PRB2: variants seen among roughly 807,000 people sequenced by gnomAD.
The protein encoded by PRB2 is proline rich protein BstNI subfamily 2, also known as basic salivary proline-rich protein 2.
In PRB2, 12 loss-of-function variants were observed where a neutral mutation model predicts 8.3. The ratio of observed to expected loss-of-function variants is 1.45; its 90% CI spans 0.93 to 2.35. The LOEUF (loss-of-function observed/expected upper bound fraction) is 2.35, where lower values mean the gene tolerates loss of function less well. Among genes scored for constraint, PRB2 ranks in the 30% most tolerant of loss-of-function variants. PRB2 has a pLI of 0.00. For missense variants in PRB2, 470 were observed against 507.0 expected (o/e 0.93, Z 0.70); for synonymous variants, 146 against 180.0 (o/e 0.81, Z 1.51).
In PRB2 at chr12:11,393,185, C is replaced by A. The variant is rs772656544; in HGVS notation, c.893G>T (p.Arg298Leu). Residue 298 changes from arginine (R) to leucine (L), a missense_variant, in exon 3 of 4, where the codon CGA (arginine) becomes CTA (leucine). By Grantham distance (102) the Arg-to-Leu change is moderately radical. Transcript: ENST00000389362. ...TCCTTGTGGCTTTCCTGGAGGAGATCGAGAACTTCGGGACTTGCTGCCTCC... is the reference window on the plus strand; with the variant it reads ...TCCTTGTGGCTTTCCTGGAGGAGATAGAGAACTTCGGGACTTGCTGCCTCC... The part of the protein sequence containing the change: ...PQGGSKSRSS[R>L]SPPGKPQGPP... 6.3e-7 allele frequency: 1 copy of A among 1,585,658 alleles called. No homozygotes were observed. Among genetic ancestry groups the A allele is most frequent in the Non-Finnish European group, 8.5e-7 (1 of 1,171,996 alleles).
rs373816057 is a variant in PRB2 at position 11,393,215 on chromosome 12, G to T, written c.863C>A (p.Pro288Gln). The part of the protein sequence containing the change: ...PPPGKPQGPP[P>Q]QGGSKSRSSR... ...ACTTCGGGACTTGCTGCCTCCTTGT[G>T]GGGGTGGTCCTTGTGGCTTTCCTGG... Residue 288 changes from proline to glutamine, a missense_variant, in exon 3 of 4, where the codon CCA becomes CAA. Physicochemically the swap from Pro to Gln is moderately conservative, Grantham distance 76. Transcript: ENST00000389362. 7 of 1,568,190 alleles carry T rather than the reference G, an allele frequency of 4.5e-6. No individual in the cohort carries two copies. The Admixed American group carries it at 8.8e-5, about 20-fold the overall frequency.
At chr12:11,394,065 T>C in intron 2 of PRB2, 88 bp from the exon 3 acceptor site, 1 of 1,543,674 alleles carries the variant, frequency 6.5e-7, no homozygotes, top group Non-Finnish European at 8.9e-7. Flanking sequence ...TCAGTTTGGG[T>C]AACAAGCTGA....
intron 3 of PRB2, 37 bp downstream of exon 3, chr12:11,392,757 A>G (rs1864334204): frequency 1.7e-6 from 2 of 1,190,336 alleles, no homozygotes; most frequent in Non-Finnish European, 2.3e-6. Flanking sequence ...AGCTGTAGCA[A>G]TTAGAGCACT....
rs1477662042 is a variant in PRB2 at position 11,395,486 on chromosome 12, G to T, written c.44C>A (p.Ser15Ter). The T allele has an allele frequency of 6.2e-7, 1 of 1,613,680 alleles. No individual in the cohort carries two copies. Among genetic ancestry groups the T allele is most frequent in the Middle Eastern group, 1.6e-4 (1 of 6,062 alleles). The change falls in exon 1 of 4, where the codon TCA (serine) becomes TAA (stop). Residue 15 changes from serine to a stop codon, truncating the protein, a stop_gained. Transcript: ENST00000389362. LOFTEE classifies it high-confidence loss of function. ...TTTACCTTCATTTAAGTTCTGAGCTGAGCTCAGGGCCAGCAAGGCCACTGA... is the reference window on the plus strand; with the variant it reads ...TTTACCTTCATTTAAGTTCTGAGCTTAGCTCAGGGCCAGCAAGGCCACTGA... ...LLSVALLALS[S>*]AQNLNEDVSQ...
rs756389048 is a variant in PRB2 at position 11,393,266 on chromosome 12, C to T, written c.812G>A (p.Gly271Asp). 37 of 1,168,530 alleles carry T rather than the reference C, an allele frequency of 3.2e-5. No individual in the cohort carries two copies. The highest frequency in any genetic ancestry group is 1.2e-4 in the Admixed American group (4 of 32,846). 72.4% of individuals were successfully genotyped at this position (1,168,530 alleles called of 1,614,324 possible). The change falls in exon 3 of 4, where the codon GGC (glycine) becomes GAC (aspartate). Residue 271 changes from glycine to aspartate, a missense_variant. Gly to Asp is a moderately conservative substitution (Grantham distance 94, BLOSUM62 -1). Transcript: ENST00000389362. ...GKPQGPPPQG[G>D]NKPQGPPPPG... is the part of the protein sequence containing the mutation. ...AGGTGGGGGACCTTGAGGTTTGTTG[C>T]CTCCTTGTGGGGGTGGTCCTTGTGG...
chr12:11,394,309 G>A (rs201030795), intron 2 of PRB2, among the ~76,000 whole-genome samples, 186 bp downstream of exon 2: 13 of 152,170 alleles, frequency 8.5e-5, no homozygotes, highest in South Asian at 2.1e-4. Context: ...CATCTCTGCC[G>A]TTCAATTTGG....
Position 11,393,744 on chromosome 12 carries a change from G to T in PRB2, c.334C>A (p.Arg112=), listed in dbSNP as rs35270209. 1.9e-6 allele frequency: 3 copies of T among 1,598,526 alleles called. No homozygotes were observed. Among genetic ancestry groups the T allele is most frequent in the Non-Finnish European group, 2.6e-6 (3 of 1,172,240 alleles). ...PPQGDKSRSP[R]SPPGKPQGPP... Reference sequence around the variant, plus strand: ...CCTTGTGGCTTTCCTGGAGGAGATCGGGGACTTCGGGACTTGTCTCCTTGT... The same window carrying T: ...CCTTGTGGCTTTCCTGGAGGAGATCTGGGACTTCGGGACTTGTCTCCTTGT... Residue 112 remains arginine (R), a synonymous_variant, in exon 3 of 4, where the codon CGA becomes AGA. Coordinates refer to ENST00000389362, the MANE Select transcript of PRB2 (RefSeq NM_006248.4).
chr12:11,392,750 T>A, intron 3 of PRB2, 44 bp downstream of exon 3: 4 of 1,108,984 alleles, frequency 3.6e-6, no homozygotes, highest in Non-Finnish European at 4.9e-6. Context: ...GCTGGAGAGC[T>A]GTAGCAATTA....
At position 11,393,156 on chromosome 12, in the gene PRB2, G is replaced by T. The variant is rs746233001; in HGVS notation, c.922C>A (p.Pro308Thr). The change falls in exon 3 of 4, where the codon CCC becomes ACC. Residue 308 changes from proline (P) to threonine (T), a missense_variant. Coordinates refer to ENST00000389362, the MANE Select transcript of PRB2 (RefSeq NM_006248.4). Reference sequence around the variant, plus strand: ...TGAGGCTGGTTGCCTCCTTGTGGGGGTGGTCCTTGTGGCTTTCCTGGAGGA... The same window carrying T: ...TGAGGCTGGTTGCCTCCTTGTGGGGTTGGTCCTTGTGGCTTTCCTGGAGGA... The part of the protein sequence containing the change: ...RSPPGKPQGP[P>T]PQGGNQPQGP... 1 of 1,598,074 alleles carries T rather than the reference G, an allele frequency of 6.3e-7. No homozygotes were observed. Among genetic ancestry groups the T allele is most frequent in the Admixed American group, 1.7e-5 (1 of 58,660 alleles).
Position 11,393,302 on chromosome 12 carries a change from G to A in PRB2, c.776C>T (p.Pro259Leu), listed in dbSNP as rs762667324. 2 of 1,484,392 alleles carry A rather than the reference G, an allele frequency of 1.3e-6. No homozygotes were observed. Among genetic ancestry groups the A allele is most frequent in the Non-Finnish European group, 1.8e-6 (2 of 1,116,450 alleles). 92.0% of individuals were successfully genotyped at this position (1,484,392 alleles called of 1,614,324 possible). The change falls in exon 3 of 4, where the codon CCT (proline) becomes CTT (leucine). Residue 259 changes from proline (P) to leucine (L), a missense_variant. By Grantham distance (98) the Pro-to-Leu change is moderately conservative. This residue lies in a region of PRB2 where 205 missense variants were observed against 195.0 expected (regional missense o/e 1.05). Transcript: ENST00000389362. ...GGGTGGTCCTTGTGGCTTTCCTGGA[G>A]GAGGTGGGGGACCTTGGGGCTGGTT... ...GGNQPQGPPP[P>L]PGKPQGPPPQ...
intron 1 of PRB2, among the ~76,000 whole-genome samples, chr12:11,394,739 A>C (rs1386402669): frequency 6.6e-6 from 1 of 152,166 alleles, no homozygotes; most frequent in African/African-American, 2.4e-5. Context: ...TGAACTCAAC[A>C]TAGAAGAGCC....
At position 11,394,534 on chromosome 12, in the gene PRB2, G is replaced by C. The variant is rs1864379307; in HGVS notation, c.65-4C>G. Reference sequence around the variant, plus strand: ...GGAGATTCTTCCTGGCTGACATCTAGAAGAGAAGCACAGGATGATGGGAAC... The same window carrying C: ...GGAGATTCTTCCTGGCTGACATCTACAAGAGAAGCACAGGATGATGGGAAC... On this transcript the variant is annotated splice_polypyrimidine_tract_variant and splice_region_variant and intron_variant, in intron 1 of 3. Transcript: ENST00000389362. 2 of 1,613,182 alleles carry C rather than the reference G, an allele frequency of 1.2e-6. No individual in the cohort carries two copies. The highest frequency in any genetic ancestry group is 1.7e-6 in the Non-Finnish European group (2 of 1,179,158).
In PRB2 at chr12:11,395,493, G is replaced by A; in HGVS notation, c.37C>T (p.Leu13=). The change falls in exon 1 of 4, where the codon CTG becomes TTG. Residue 13 remains leucine (L), a synonymous_variant. Transcript: ENST00000389362. ...TCATTTAAGTTCTGAGCTGAGCTCA[G>A]GGCCAGCAAGGCCACTGACAGCAGA... ...LILLSVALLA[L]SSAQNLNEDV... The A allele has an allele frequency of 6.2e-7, 1 of 1,613,608 alleles. No homozygotes were observed.
intron 1 of PRB2, 51 bp downstream of exon 1, chr12:11,395,415 C>T: frequency 6.2e-7 from 1 of 1,609,032 alleles, no homozygotes; most frequent in Non-Finnish European, 8.5e-7. Context: ...ACCATTATCA[C>T]CTCCTAAGCC....
At position 11,393,155 on chromosome 12, in the gene PRB2, G is replaced by C. The variant is rs1304041404; in HGVS notation, c.923C>G (p.Pro308Arg). The C allele has an allele frequency of 3.1e-6, 5 of 1,598,258 alleles. No homozygotes were observed. In the South Asian group the frequency reaches 4.4e-5, roughly 14 times the overall value. Residue 308 changes from proline (P) to arginine (R), a missense_variant, in exon 3 of 4, where the codon CCC (proline) becomes CGC (arginine). By Grantham distance (103) the Pro-to-Arg change is moderately radical. Coordinates refer to ENST00000389362, the MANE Select transcript of PRB2 (RefSeq NM_006248.4). ...RSPPGKPQGPPPQGGNQPQGP... is the reference protein window; with the variant it reads ...RSPPGKPQGPRPQGGNQPQGP... ...TTGAGGCTGGTTGCCTCCTTGTGGG[G>C]GTGGTCCTTGTGGCTTTCCTGGAGG...
At chr12:11,395,307 T>G (rs2416787) in intron 1 of PRB2, among the ~76,000 whole-genome samples, 159 bp downstream of exon 1, 27 of 152,228 alleles carry the variant, frequency 1.8e-4, no homozygotes, top group African/African-American at 4.1e-4. Flanking sequence ...AATTAGAAAC[T>G]CTTATTGTGG....
Position 11,393,412 on chromosome 12 carries a change from T to G in PRB2, c.666A>C (p.Gln222His). The change falls in exon 3 of 4, where the codon CAA (glutamine) becomes CAC (histidine). Residue 222 changes from glutamine to histidine, a missense_variant. This residue lies in a region of PRB2 where 37 missense variants were observed against 66.0 expected (regional missense o/e 0.56). Transcript: ENST00000389362. Reference protein sequence around the residue: ...PQGPPPPGKPQGPPPQGDNKS... With the variant: ...PQGPPPPGKPHGPPPQGDNKS... Reference sequence around the variant, plus strand: ...TGTTGTCTCCTTGTGGGGGTGGTCCTTGTGGCTTTCCTGGAGGTGGGGGAC... The same window carrying G: ...TGTTGTCTCCTTGTGGGGGTGGTCCGTGTGGCTTTCCTGGAGGTGGGGGAC... 6.3e-7 allele frequency: 1 copy of G among 1,576,866 alleles called. No homozygotes were observed. Among genetic ancestry groups the G allele is most frequent in the Non-Finnish European group, 8.5e-7 (1 of 1,170,442 alleles).
Position 11,393,918 on chromosome 12 carries a change from G to T in PRB2, c.160C>A (p.Pro54Thr), listed in dbSNP as rs1864365537. The change falls in exon 3 of 4, where the codon CCA becomes ACA. Residue 54 changes from proline (P) to threonine (T), a missense_variant. Physicochemically the swap from Pro to Thr is conservative, Grantham distance 38. Transcript: ENST00000389362. ...GNKPQGPPSP[P>T]GKPQGPPPQG... ...GGGGGTGGTCCTTGTGGCTTTCCTG[G>T]AGGAGATGGGGGACCTTGAGGTTTG... 2 of 1,499,360 alleles carry T rather than the reference G, an allele frequency of 1.3e-6. No individual in the cohort carries two copies. The highest frequency in any genetic ancestry group is 1.8e-4 in the Middle Eastern group (1 of 5,570). 92.9% of individuals were successfully genotyped at this position (1,499,360 alleles called of 1,614,324 possible).
chr12:11,395,532 T>C lies in PRB2; in HGVS notation c.-3A>G, dbSNP rs1488244745. 5 of 1,612,520 alleles carry C rather than the reference T, an allele frequency of 3.1e-6. No homozygotes were observed. Among genetic ancestry groups the C allele is most frequent in the Non-Finnish European group, 4.2e-6 (5 of 1,179,262 alleles). The stretch of plus-strand genomic sequence containing the variant: ...ACTGACAGCAGAATCAACAGCATCT[T>C]GCAGGAGGCTCTGGAGTCACTCCCA... On this transcript the variant is annotated 5_prime_UTR_variant, in exon 1 of 4. Transcript: ENST00000389362.
Sources: gnomAD v4.1 joint callset for allele counts (sites outside exome capture counted in the v4.1 genomes callset) on GRCh38, gnomAD v4.1.1 for gene constraint, gnomAD v4.1.1 regional missense constraint, MANE v1.5 for transcripts, NCBI Gene and HGNC (gene_info 2026-07-23, HGNC 2026-07-21) for gene names.